Variants in BTBD3 observed in about 807,000 individuals in gnomAD.
BTBD3 encodes the protein BTB/POZ domain-containing protein 3.
Under a neutral mutation model 41.6 loss-of-function variants are expected in BTBD3, and 14 were observed. The observed-to-expected ratio is 0.34, with a 90% CI of 0.22 to 0.53. The LOEUF (loss-of-function observed/expected upper bound fraction) is 0.53, where lower values mean the gene tolerates loss of function less well. Ranked by LOEUF, BTBD3 falls within the 20% of genes least tolerant of loss-of-function variation. The probability of loss-of-function intolerance (pLI) is 0.95; values close to 1 mark genes in which losing one functional copy is unlikely to be tolerated. For synonymous variants in BTBD3, 249 were observed against 233.7 expected (o/e 1.07, Z -0.60); for missense variants, 426 against 654.7 (o/e 0.65, Z 3.81).
intron 1 of BTBD3, among the ~76,000 whole-genome samples, chr20:11,897,820 A>G (rs1421843459): frequency 6.6e-6 from 1 of 152,154 alleles, no homozygotes; most frequent in Admixed American, 6.5e-5. Context: ...AGTGGCTTCC[A>G]TGTCACTCAG....
At chr20:11,902,165 G>A (rs189510518) in intron 1 of BTBD3, among the ~76,000 whole-genome samples, 51 of 152,034 alleles carry the variant, frequency 3.4e-4, no homozygotes, top group African/African-American at 1.2e-3. Context: ...GTCAGTAAAC[G>A]CATATTTTGT....
upstream of BTBD3, among the ~76,000 whole-genome samples, chr20:11,916,244 G>T (rs2056917117): frequency 6.6e-6 from 1 of 152,190 alleles, no homozygotes; most frequent in African/African-American, 2.4e-5. Context: ...AAGTTCAGTG[G>T]CACTTGAGCA....
chr20:11,896,048 A>G (rs1237445), intron 1 of BTBD3, among the ~76,000 whole-genome samples: 112,816 of 152,074 alleles, frequency 0.74, 42,215 homozygotes, highest in Non-Finnish European at 0.78. Context: ...TGTTAAATTT[A>G]CCGTCTTAAT....
At chr20:11,911,036 A>C (rs2056886113) in intron 1 of BTBD3, among the ~76,000 whole-genome samples, 1 of 152,216 alleles carries the variant, frequency 6.6e-6, no homozygotes. Context: ...CAACCTAAAA[A>C]AAAGATTTCT....
chr20:11,910,469 T>C (rs937523829), intron 1 of BTBD3: 2 of 152,152 alleles, frequency 1.3e-5, no homozygotes, highest in Admixed American at 6.5e-5. Context: ...CTCCTGAGCC[T>C]TGATTTTACT....
At chr20:11,906,636 C>T (rs1179358631) in intron 1 of BTBD3, among the ~76,000 whole-genome samples, 1 of 152,144 alleles carries the variant, frequency 6.6e-6, no homozygotes, top group African/African-American at 2.4e-5. Context: ...AAAAGTCAAA[C>T]ACCTGATTAC....
chr20:11,906,332 G>A (rs760527726), intron 1 of BTBD3, among the ~76,000 whole-genome samples: 6 of 130,398 alleles, frequency 4.6e-5, no homozygotes, highest in Non-Finnish European at 9.3e-5. Context: ...TGGTGTTATC[G>A]GTGCTCACTG....
chr20:11,901,611 G>A (rs767938912), intron 1 of BTBD3, among the ~76,000 whole-genome samples: 11 of 152,222 alleles, frequency 7.2e-5, no homozygotes, highest in South Asian at 2.1e-4. Flanking sequence ...CAGCTCACGC[G>A]TACTTGAAAT....
chr20:11,904,456 G>C (rs2056841798), intron 1 of BTBD3, among the ~76,000 whole-genome samples: 1 of 152,066 alleles, frequency 6.6e-6, no homozygotes, highest in Admixed American at 6.6e-5. Context: ...AATGTGGATG[G>C]GGACACAAAT....
rs763596363 is a variant in BTBD3, at chr20:11,896,090, T to TA, written c.-126+5143dup. Among the ~76,000 whole-genome samples the TA allele has an allele frequency of 1.9e-4, 29 of 152,280 alleles. No homozygotes were observed. In the East Asian group the frequency reaches 4.8e-3, roughly 25 times the overall value. On this transcript the variant is annotated intron_variant, in intron 1 of 4. Transcript: ENST00000254977. The stretch of plus-strand genomic sequence containing the variant: ...GGCTCGGAAGATGAATCCTTAGAAC[T>TA]AAAAAAATACCGGATCATGTTACAT...
At chr20:11,914,164 C>T (rs776236467), upstream of BTBD3, among the ~76,000 whole-genome samples, 1 of 152,162 alleles carries the variant, frequency 6.6e-6, no homozygotes, top group Non-Finnish European at 1.5e-5. Context: ...TAGCAGTAGA[C>T]ATCAGGCTGC....
intron 1 of BTBD3, among the ~76,000 whole-genome samples, chr20:11,900,404 G>A (rs756279076): frequency 1.2e-4 from 19 of 152,072 alleles, no homozygotes; most frequent in Non-Finnish European, 2.2e-4. Context: ...AACACATCTC[G>A]TTTAAAGTTC....
At chr20:11,914,963 C>T (rs1318827370), upstream of BTBD3, among the ~76,000 whole-genome samples, 2 of 152,104 alleles carry the variant, frequency 1.3e-5, no homozygotes, top group Non-Finnish European at 2.9e-5. Flanking sequence ...TCTCTTTCAT[C>T]TTATAGCTGA....
intron 1 of BTBD3, chr20:11,891,591 G>C (rs906264056): frequency 3.9e-5 from 6 of 152,392 alleles, no homozygotes; most frequent in African/African-American, 1.2e-4. Flanking sequence ...AGTCCTCCGA[G>C]TTCTGAGTGG....
At chr20:11,891,095 C>A (rs533888341) in intron 1 of BTBD3, 1 of 536,292 alleles carries the variant, frequency 1.9e-6, no homozygotes, top group Non-Finnish European at 2.4e-6. Context: ...GGCCGCAGGT[C>A]GGCCTCGGAC....
Position 11,925,945 on chromosome 20 carries a change from T to C in BTBD3, c.*2279T>C, listed in dbSNP as rs999176802. 5 of 152,228 alleles carry C rather than the reference T, an allele frequency of 3.3e-5. No individual in the cohort carries two copies. Among genetic ancestry groups the C allele is most frequent in the Non-Finnish European group, 5.9e-5 (4 of 68,026 alleles). The allele number at this position is 152,228 out of a possible 1,614,324, so 9.4% of individuals were successfully genotyped here. A position where few individuals can be genotyped will look rare whatever the true frequency, so the allele number is the denominator to read the frequency against. On this transcript the variant is annotated 3_prime_UTR_variant, in exon 4 of 4. Coordinates refer to ENST00000378226, the MANE Select transcript of BTBD3 (RefSeq NM_014962.4). Reference sequence around the variant, plus strand: ...TTAATTGTTATTACTTTAAAACATATCTACCATCTGATTGGCTGGTACCGA... The same window carrying C: ...TTAATTGTTATTACTTTAAAACATACCTACCATCTGATTGGCTGGTACCGA...
At chr20:11,921,754 A>C (rs748206569) in intron 3 of BTBD3, 3 of 152,186 alleles carry the variant, frequency 2.0e-5, no homozygotes, top group Non-Finnish European at 2.9e-5. Context: ...CTTAAGTTTT[A>C]TGTGTTTCAC....
intron 1 of BTBD3, among the ~76,000 whole-genome samples, chr20:11,901,989 A>C (rs576552843): frequency 3.3e-5 from 5 of 152,218 alleles, no homozygotes; most frequent in Admixed American, 2.0e-4. Context: ...AGCTCTAGTA[A>C]AAGACTAGAC....
intron 2 of BTBD3, chr20:11,919,388 T>C: frequency 1.4e-6 from 2 of 1,410,430 alleles, no homozygotes; most frequent in Non-Finnish European, 1.8e-6. Context: ...ACACATCCCC[T>C]CTTAACTCTC....
Sources: gnomAD v4.1 joint callset for allele counts (sites outside exome capture counted in the v4.1 genomes callset) on GRCh38, gnomAD v4.1.1 for gene constraint, MANE v1.5 for transcripts, NCBI Gene and HGNC (gene_info 2026-07-23, HGNC 2026-07-21) for gene names.